DMXL2: variants seen among roughly 807,000 people sequenced by gnomAD.
DMXL2 encodes Dmx like 2, also known as dmX-like protein 2.
A neutral mutation model predicts 331.1 loss-of-function variants in DMXL2; 103 were observed. The observed-to-expected ratio is 0.31, with a 90% CI of 0.27 to 0.37. The LOEUF is 0.37. Among genes scored for constraint, DMXL2 ranks in the 10% least tolerant of loss-of-function variants. The pLI, the probability that DMXL2 is intolerant of heterozygous loss-of-function variation, is 1.00. For missense variants in DMXL2, 3,171 were observed against 3,642.9 expected, an observed-to-expected ratio of 0.87 and a Z score of 3.33; for synonymous variants, 1,281 against 1,252.1, an observed-to-expected ratio of 1.02 and a Z score of -0.49.
intron 2 of DMXL2, among the ~76,000 whole-genome samples, chr15:51,570,397 A>T (rs1234428286): frequency 1.3e-5 from 2 of 152,200 alleles, no homozygotes; most frequent in Non-Finnish European, 2.9e-5. Context: ...GAGTTTCCCC[A>T]ACCTAGAAAG....
At chr15:51,547,523 T>C (rs1448256486) in intron 6 of DMXL2, 115 bp from the exon 7 acceptor site, 7 of 601,882 alleles carry the variant, frequency 1.2e-5, no homozygotes, top group South Asian at 3.5e-5. Flanking sequence ...ATGTGACTTA[T>C]ACATAATACA....
At chr15:51,566,180 C>A (rs2050257036) in intron 3 of DMXL2, among the ~76,000 whole-genome samples, 1 of 151,514 alleles carries the variant, frequency 6.6e-6, no homozygotes, top group South Asian at 2.1e-4. Context: ...CCACTGTATT[C>A]CAGCCTGGGT....
Position 51,536,773 on chromosome 15 carries a change from A to G in DMXL2, c.1707T>C (p.Asn569=). 1 of 1,614,082 alleles carries G rather than the reference A, an allele frequency of 6.2e-7. No individual in the cohort carries two copies. The highest frequency in any genetic ancestry group is 8.5e-7 in the Non-Finnish European group (1 of 1,179,998). Residue 569 remains asparagine (N), a synonymous_variant, in exon 12 of 44, where the codon AAT becomes AAC. Transcript: ENST00000560891. ...GCGTGTGGTGAGAATCTTTTGTCGCATTTATACAGGCATACATCATGATAT... is the reference window on the plus strand; with the variant it reads ...GCGTGTGGTGAGAATCTTTTGTCGCGTTTATACAGGCATACATCATGATAT... The part of the protein sequence containing the change: ...SKNIMMYACI[N]ATKDSHHTLL...
At chr15:51,607,450 C>A (rs140599779) in intron 1 of DMXL2, among the ~76,000 whole-genome samples, 1 of 151,130 alleles carries the variant, frequency 6.6e-6, no homozygotes, top group Admixed American at 6.6e-5. Context: ...AGCGAGACTC[C>A]GTCTCAAAAA....
chr15:51,614,954 A>T (rs115951250), intron 1 of DMXL2, among the ~76,000 whole-genome samples: 1 of 152,212 alleles, frequency 6.6e-6, no homozygotes, highest in African/African-American at 2.4e-5. Context: ...TATCCAGGGG[A>T]AAAAAATGAT....
At chr15:51,521,470 G>GGTAGTAGTAGTAGTAGTA (rs1350221640) in intron 13 of DMXL2, among the ~76,000 whole-genome samples, 1 of 148,958 alleles carries the variant, frequency 6.7e-6, no homozygotes, top group Non-Finnish European at 1.5e-5. Context: ...TAGTGGTAGT[G>GGTAGTAGTAGTAGTAGTA]GTAGTAGTAG....
chr15:51,465,457 A>G lies in DMXL2; in HGVS notation c.7606+109T>C, dbSNP rs576428144. ...TAAACAAGACTTTATAAAATATCTA[A>G]TGCACTATTTTTTAAGTACCAAATG... On this transcript the variant is annotated intron_variant, in intron 31 of 43. Coordinates refer to ENST00000560891, the MANE Select transcript of DMXL2 (RefSeq NM_001378457.1). 4 of 788,684 alleles carry G rather than the reference A, an allele frequency of 5.1e-6. No homozygotes were observed. In the East Asian group the frequency reaches 7.7e-5, roughly 15 times the overall value. The allele number at this position is 788,684 out of a possible 1,614,324, so 48.9% of individuals were successfully genotyped here.
At chr15:51,539,714 T>G (rs2048484058) in intron 9 of DMXL2, among the ~76,000 whole-genome samples, 1 of 151,960 alleles carries the variant, frequency 6.6e-6, no homozygotes, top group Non-Finnish European at 1.5e-5. Flanking sequence ...GAGGCTGAGG[T>G]GGTAGGATTG....
chr15:51,549,264 T>C (rs182156508), intron 6 of DMXL2, among the ~76,000 whole-genome samples: 1 of 152,124 alleles, frequency 6.6e-6, no homozygotes, highest in African/African-American at 2.4e-5. Flanking sequence ...TCCAATTCCA[T>C]CCAGGTTGCT....
Position 51,480,739 on chromosome 15 carries a change from A to G in DMXL2, c.6367T>C (p.Ser2123Pro), listed in dbSNP as rs150924530. ...CTTTCTATTTGATGGCGCTCATAGG[A>G]ACCAATATCTGGTTTGTCTACCATT... ...EEMVDKPDIG[S>P]YERHQIERRR... The change falls in exon 24 of 44, where the codon TCC (serine) becomes CCC (proline). Residue 2123 changes from serine to proline, a missense_variant. Coordinates refer to ENST00000560891, the MANE Select transcript of DMXL2 (RefSeq NM_001378457.1). The G allele has an allele frequency of 6.2e-7, 1 of 1,601,376 alleles. No homozygotes were observed. Among genetic ancestry groups the G allele is most frequent in the Admixed American group, 1.7e-5 (1 of 58,870 alleles).
At chr15:51,456,847 G>C (rs1432645836) in intron 37 of DMXL2, among the ~76,000 whole-genome samples, 1 of 152,178 alleles carries the variant, frequency 6.6e-6, no homozygotes, top group Non-Finnish European at 1.5e-5. Context: ...ACCTAGGATT[G>C]TTGTGAGAAA....
chr15:51,565,722 A>G (rs1347905576), intron 3 of DMXL2, among the ~76,000 whole-genome samples: 1 of 152,222 alleles, frequency 6.6e-6, no homozygotes, highest in African/African-American at 2.4e-5. Context: ...AAATGTTTAC[A>G]TATTTCTTTG....
In DMXL2 at chr15:51,537,490, G is replaced by C. The variant is rs760593886; in HGVS notation, c.1615C>G (p.Gln539Glu). 11 of 1,606,856 alleles carry C rather than the reference G, an allele frequency of 6.8e-6. No homozygotes were observed. The highest frequency in any genetic ancestry group is 9.4e-6 in the Non-Finnish European group (11 of 1,175,010). The change falls in exon 11 of 44, where the codon CAG becomes GAG. Residue 539 changes from glutamine to glutamate, a missense_variant and splice_region_variant. By Grantham distance (29) the Gln-to-Glu change is conservative. Transcript: ENST00000560891. ...ACTATTTCATCAATAAAATATACCT[G>C]AACTTGTCTAAATATTCCAGGATTA... is the stretch of plus-strand genomic sequence containing the variant. ...EYNPGIFRQV[Q>E]VSFSSRIPVA...
intron 15 of DMXL2, among the ~76,000 whole-genome samples, chr15:51,513,544 C>G (rs2046874612): frequency 6.6e-6 from 1 of 152,104 alleles, no homozygotes; most frequent in Admixed American, 6.5e-5. Context: ...AATACAGGAC[C>G]TCAATCTGAT....
intron 1 of DMXL2, among the ~76,000 whole-genome samples, chr15:51,589,460 T>C (rs1567157363): frequency 6.6e-6 from 1 of 152,236 alleles, no homozygotes; most frequent in Non-Finnish European, 1.5e-5. Context: ...CATTTGCCTC[T>C]TGCCCTGACT....
chr15:51,508,874 G>A (rs2046577561), intron 15 of DMXL2, among the ~76,000 whole-genome samples: 1 of 152,078 alleles, frequency 6.6e-6, no homozygotes, highest in African/African-American at 2.4e-5. Flanking sequence ...GATAAAATTG[G>A]AAAATCATAA....
chr15:51,487,319 A>G (rs980939777), intron 22 of DMXL2, among the ~76,000 whole-genome samples: 1 of 152,252 alleles, frequency 6.6e-6, no homozygotes, highest in Non-Finnish European at 1.5e-5. Flanking sequence ...TGCACAGAAT[A>G]AGGAGGTTGT....
intron 13 of DMXL2, among the ~76,000 whole-genome samples, chr15:51,524,797 T>C (rs532109066): frequency 3.3e-4 from 50 of 152,118 alleles, no homozygotes; most frequent in Admixed American, 2.9e-3. Context: ...GGGCCTTAAA[T>C]AAACTTGAAA....
intron 14 of DMXL2, 32 bp downstream of exon 14, chr15:51,517,046 C>T (rs767480499): frequency 1.5e-5 from 23 of 1,528,802 alleles, no homozygotes; most frequent in Middle Eastern, 1.7e-4. Context: ...ATAAAGTATA[C>T]GAATATCACC....
Sources: allele counts gnomAD v4.1 joint callset (sites outside exome capture counted in the v4.1 genomes callset), GRCh38; gene constraint gnomAD v4.1.1; transcripts MANE v1.5; gene names NCBI Gene and HGNC (gene_info 2026-07-23, HGNC 2026-07-21).